TRPV5: variants seen among roughly 807,000 people sequenced by gnomAD.
TRPV5 encodes the protein calcium transport protein 2.
A neutral mutation model predicts 74.1 loss-of-function variants in TRPV5; 66 were observed. The observed-to-expected ratio is 0.89, with a 90% CI of 0.73 to 1.09. The LOEUF (loss-of-function observed/expected upper bound fraction) is 1.09, where lower values mean the gene tolerates loss of function less well. TRPV5 is among the 50% of genes least tolerant of loss of function. TRPV5 has a pLI of 0.00. For synonymous variants in TRPV5, 399 were observed against 360.7 expected (o/e 1.11, Z -1.20); for missense variants, 936 against 930.4 (o/e 1.01, Z -0.08).
In TRPV5 at chr7:142,930,452, G is replaced by C. The variant is rs765064044; in HGVS notation, c.129-6C>G. 1.2e-6 allele frequency: 2 copies of C among 1,610,662 alleles called. No homozygotes were observed. The highest frequency in any genetic ancestry group is 8.5e-7 in the Non-Finnish European group (1 of 1,176,802). Reference sequence around the variant, plus strand: ...GCAGTGGAGACTCTAGAATCCTGGGGAAAGGTGAACGTGAGTTTGGAAGAG... The same window carrying C: ...GCAGTGGAGACTCTAGAATCCTGGGCAAAGGTGAACGTGAGTTTGGAAGAG... On this transcript the variant is annotated splice_polypyrimidine_tract_variant and splice_region_variant and intron_variant, in intron 1 of 14. Transcript: ENST00000265310.
chr7:142,928,695 G>A lies in TRPV5; in HGVS notation c.758C>T (p.Thr253Ile). 1.9e-6 allele frequency: 3 copies of A among 1,613,444 alleles called. No individual in the cohort carries two copies. The highest frequency in any genetic ancestry group is 2.5e-6 in the Non-Finnish European group (3 of 1,179,656). ...PFKLAGVEGNTVMFQHLMQKR... is the reference protein window; with the variant it reads ...PFKLAGVEGNIVMFQHLMQKR... ...GGGATGGGGAGCGTCTCTTACCACA[G>A]TGTTACCCTCCACTCCAGCCAGCTT... is the stretch of plus-strand genomic sequence containing the variant. Residue 253 changes from threonine to isoleucine, a missense_variant, in exon 6 of 15, where the codon ACT becomes ATT. Coordinates refer to ENST00000265310, the MANE Select transcript of TRPV5 (RefSeq NM_019841.7).
intron 8 of TRPV5, among the ~76,000 whole-genome samples, chr7:142,923,173 A>T (rs185302919): frequency 6.6e-6 from 1 of 152,316 alleles, no homozygotes; most frequent in East Asian, 1.9e-4. Flanking sequence ...TATTAATATA[A>T]TTGGACAGTA....
At chr7:142,923,323 A>T (rs1437608058) in intron 8 of TRPV5, among the ~76,000 whole-genome samples, 1 of 152,192 alleles carries the variant, frequency 6.6e-6, no homozygotes, top group Non-Finnish European at 1.5e-5. Flanking sequence ...AAAAAAAAGG[A>T]ATTTCCTATT....
Position 142,918,462 on chromosome 7 carries a change from A to C in TRPV5, c.1123-2894T>G, listed in dbSNP as rs1386755385. On this transcript the variant is annotated intron_variant, in intron 8 of 14. Coordinates refer to ENST00000265310, the MANE Select transcript of TRPV5 (RefSeq NM_019841.7). Reference sequence around the variant, plus strand: ...GTTTACCCTACATCTATTTCCGCTCATTCAACCCACCCCGCACAATGCTTC... The same window carrying C: ...GTTTACCCTACATCTATTTCCGCTCCTTCAACCCACCCCGCACAATGCTTC... Among the ~76,000 whole-genome samples the C allele has an allele frequency of 5.9e-5, 9 of 152,332 alleles. No individual in the cohort carries two copies. In the East Asian group the frequency reaches 1.7e-3, roughly 29 times the overall value.
At chr7:142,925,764 C>T (rs766144148) in intron 7 of TRPV5, 23 bp from the exon 8 acceptor site, 8 of 1,604,558 alleles carry the variant, frequency 5.0e-6, no homozygotes, top group African/African-American at 4.0e-5. Flanking sequence ...TAGAGTGAAA[C>T]TTGGGGTGAC....
rs80068483 is a variant in TRPV5 at position 142,922,887 on chromosome 7, T to G, written c.1122+2642A>C. Reference sequence around the variant, plus strand: ...GAACTTTTATGGCTGAGCAATGAGGTGTCTTAGAGTCATTAAGATAGCCCC... The same window carrying G: ...GAACTTTTATGGCTGAGCAATGAGGGGTCTTAGAGTCATTAAGATAGCCCC... On this transcript the variant is annotated intron_variant, in intron 8 of 14. Coordinates refer to ENST00000265310, the MANE Select transcript of TRPV5 (RefSeq NM_019841.7). Among the ~76,000 whole-genome samples the G allele has an allele frequency of 9.8e-5, 15 of 152,306 alleles. No homozygotes were observed. In the East Asian group the frequency reaches 2.9e-3, roughly 29 times the overall value.
At position 142,933,612 on chromosome 7, in the gene TRPV5, G is replaced by T; in HGVS notation, c.-153C>A. The stretch of plus-strand genomic sequence containing the variant: ...TTGTGTATGCAGCATGCAGCTTGTA[G>T]GTGTGTGTGTGTGCATGCAGTATGT... On this transcript the variant is annotated 5_prime_UTR_variant, in exon 1 of 15. Coordinates refer to ENST00000265310, the MANE Select transcript of TRPV5 (RefSeq NM_019841.7). 9.7e-7 allele frequency: 1 copy of T among 1,026,124 alleles called. No homozygotes were observed. The highest frequency in any genetic ancestry group is 1.4e-6 in the Non-Finnish European group (1 of 703,900). 63.6% of individuals were successfully genotyped at this position (1,026,124 alleles called of 1,614,324 possible). A position where few individuals can be genotyped will look rare whatever the true frequency, so the allele number is the denominator to read the frequency against.
chr7:142,913,036 C>T (rs942226218), intron 12 of TRPV5, among the ~76,000 whole-genome samples: 12 of 152,026 alleles, frequency 7.9e-5, no homozygotes, highest in Admixed American at 6.5e-4. Context: ...GTGTGTGCAG[C>T]GTGTGTGTTT....
chr7:142,925,460 C>T, intron 8 of TRPV5, 69 bp downstream of exon 8: 1 of 1,548,698 alleles, frequency 6.5e-7, no homozygotes, highest in Non-Finnish European at 8.9e-7. Flanking sequence ...CCCTGAGTAG[C>T]ATGGCTTCGT....
At chr7:142,921,280 T>G (rs1795882125) in intron 8 of TRPV5, among the ~76,000 whole-genome samples, 1 of 152,184 alleles carries the variant, frequency 6.6e-6, no homozygotes, top group Non-Finnish European at 1.5e-5. Flanking sequence ...ATCCACCATT[T>G]TTTTAAATTT....
intron 13 of TRPV5, among the ~76,000 whole-genome samples, chr7:142,911,212 G>C (rs1410865614): frequency 1.3e-5 from 2 of 152,184 alleles, no homozygotes; most frequent in Admixed American, 1.3e-4. Flanking sequence ...CCTTAGAAGA[G>C]AGGTCAAAAG....
intron 14 of TRPV5, among the ~76,000 whole-genome samples, chr7:142,909,198 A>T (rs1320919618): frequency 6.6e-6 from 1 of 152,122 alleles, no homozygotes; most frequent in African/African-American, 2.4e-5. Context: ...AGGGCAGAAT[A>T]TGAAGGAGGA....
rs370740340 is a variant in TRPV5 at position 142,929,601 on chromosome 7, T to C, written c.350-36A>G. The C allele has an allele frequency of 4.4e-6, 7 of 1,604,836 alleles. No individual in the cohort carries two copies. In the African/African-American group the frequency reaches 6.7e-5, roughly 15 times the overall value. ...GACAGCCATCATCAGGGTCTCCCTC[T>C]GTCCCCAGTTCTCTCAGGGACACAG... On this transcript the variant is annotated intron_variant, in intron 3 of 14. Transcript: ENST00000265310.
At chr7:142,926,661 A>G (rs1795994174) in intron 7 of TRPV5, among the ~76,000 whole-genome samples, 1 of 152,154 alleles carries the variant, frequency 6.6e-6, no homozygotes, top group Non-Finnish European at 1.5e-5. Flanking sequence ...GCTAGAAAGG[A>G]AGATTTATGG....
chr7:142,922,343 A>T (rs1003070702), intron 8 of TRPV5, among the ~76,000 whole-genome samples: 3 of 152,178 alleles, frequency 2.0e-5, no homozygotes, highest in Non-Finnish European at 4.4e-5. Context: ...CAAAAAGGAG[A>T]TGTGACGAGA....
At chr7:142,919,152 G>A (rs1336976959) in intron 8 of TRPV5, among the ~76,000 whole-genome samples, 1 of 152,176 alleles carries the variant, frequency 6.6e-6, no homozygotes, top group Non-Finnish European at 1.5e-5. Flanking sequence ...CCATGCCCAG[G>A]TCATGTGTCT....
chr7:142,915,458 G>C, intron 9 of TRPV5, 24 bp downstream of exon 9: 1 of 1,613,488 alleles, frequency 6.2e-7, no homozygotes, highest in Non-Finnish European at 8.5e-7. Context: ...GATGGGATTA[G>C]CCTGGACCCC....
intron 1 of TRPV5, among the ~76,000 whole-genome samples, chr7:142,933,098 T>C (rs1292984841): frequency 6.6e-6 from 1 of 152,148 alleles, no homozygotes; most frequent in Non-Finnish European, 1.5e-5. Flanking sequence ...TCTGCCTCTG[T>C]CCTTAGGTCT....
At position 142,914,919 on chromosome 7, in the gene TRPV5, A is replaced by G; in HGVS notation, c.1414T>C (p.Phe472Leu). 6.2e-7 allele frequency: 1 copy of G among 1,614,164 alleles called. No individual in the cohort carries two copies. The change falls in exon 11 of 15, where the codon TTC becomes CTC. Residue 472 changes from phenylalanine to leucine, a missense_variant. Phe to Leu is a conservative substitution (Grantham distance 22). Coordinates refer to ENST00000265310, the MANE Select transcript of TRPV5 (RefSeq NM_019841.7). Reference protein sequence around the residue: ...WCSVMYFTRGFQMLGPFTIMI... With the variant: ...WCSVMYFTRGLQMLGPFTIMI... Reference sequence around the variant, plus strand: ...ATGGTGAAGGGACCCAGCATCTGGAATCCTCGAGTGAAATACATGACACTG... The same window carrying G: ...ATGGTGAAGGGACCCAGCATCTGGAGTCCTCGAGTGAAATACATGACACTG...
Sources: gnomAD v4.1 joint callset for allele counts (sites outside exome capture counted in the v4.1 genomes callset) on GRCh38, gnomAD v4.1.1 for gene constraint, MANE v1.5 for transcripts, NCBI Gene and HGNC (gene_info 2026-07-23, HGNC 2026-07-21) for gene names.